TRHDE: variants seen among roughly 807,000 people sequenced by gnomAD.
TRHDE encodes thyrotropin-releasing hormone-degrading ectoenzyme.
A neutral mutation model predicts 125.7 loss-of-function variants in TRHDE; 72 were observed. The observed-to-expected ratio is 0.57, with a 90% CI of 0.47 to 0.70. The LOEUF is 0.70. TRHDE is among the 30% of genes least tolerant of loss of function. The pLI is 0.00. For missense variants in TRHDE, 1,110 were observed against 1,327.1 expected (o/e 0.84, Z 2.54); for synonymous variants, 509 against 509.1 (o/e 1.00, Z 0.00).
intron 2 of TRHDE, among the ~76,000 whole-genome samples, chr12:72,358,052 T>C (rs1231855936): frequency 6.6e-6 from 1 of 151,606 alleles, no homozygotes; most frequent in Non-Finnish European, 1.5e-5. Context: ...GCTGATTCAA[T>C]TTTGTGGATT....
At chr12:72,521,584 G>A (rs1879197303) in intron 6 of TRHDE, among the ~76,000 whole-genome samples, 1 of 152,164 alleles carries the variant, frequency 6.6e-6, no homozygotes, top group East Asian at 1.9e-4. Context: ...AGTTAGCTCA[G>A]TGCCATAAAA....
chr12:72,433,659 C>G (rs1408281158), intron 3 of TRHDE, among the ~76,000 whole-genome samples: 2 of 152,040 alleles, frequency 1.3e-5, no homozygotes, highest in African/African-American at 4.8e-5. Flanking sequence ...CCTCCTCTCA[C>G]ACATACAAAA....
intron 15 of TRHDE, among the ~76,000 whole-genome samples, chr12:72,635,219 T>C (rs1398973377): frequency 1.3e-5 from 2 of 152,084 alleles, no homozygotes; most frequent in African/African-American, 2.4e-5. Flanking sequence ...TGGTATCTCA[T>C]TGTGGTTTTG....
chr12:72,646,539 G>C lies in TRHDE; in HGVS notation c.2676-5783G>C, dbSNP rs1874287119. The stretch of plus-strand genomic sequence containing the variant: ...TAAACTTCCCAATCAAAAAAAAGTG[G>C]CTGAATGGATTAACAAAGCAAGACC... On this transcript the variant is annotated intron_variant, in intron 15 of 18. Coordinates refer to ENST00000261180, the MANE Select transcript of TRHDE (RefSeq NM_013381.3). Among the ~76,000 whole-genome samples, 6 of 151,972 alleles carry C rather than the reference G, an allele frequency of 3.9e-5. No homozygotes were observed. In the South Asian group the frequency reaches 1.2e-3, roughly 31 times the overall value.
At chr12:72,632,075 G>A (rs1271720641) in intron 15 of TRHDE, among the ~76,000 whole-genome samples, 1 of 151,988 alleles carries the variant, frequency 6.6e-6, no homozygotes, top group African/African-American at 2.4e-5. Flanking sequence ...AATGTTATTT[G>A]TCGAGATGTA....
chr12:72,451,680 A>T (rs1402027930), intron 3 of TRHDE, among the ~76,000 whole-genome samples: 1 of 152,146 alleles, frequency 6.6e-6, no homozygotes, highest in African/African-American at 2.4e-5. Flanking sequence ...TTGTGCAAAA[A>T]ATGTCATTTG....
In TRHDE at chr12:72,407,490, G is replaced by C. The variant is rs552540820; in HGVS notation, c.1315+29369G>C. 3.0e-4 allele frequency among the ~76,000 whole-genome samples: 45 copies of C among 152,242 alleles called. No homozygotes were observed. In the East Asian group the frequency reaches 7.9e-3, roughly 27 times the overall value. On this transcript the variant is annotated intron_variant, in intron 3 of 18. Transcript: ENST00000261180. ...GAGTCATTTTAGAATTTGTCCAGTAGTCACCCTCAGAGGAAAGTGTCAAGG... is the reference window on the plus strand; with the variant it reads ...GAGTCATTTTAGAATTTGTCCAGTACTCACCCTCAGAGGAAAGTGTCAAGG...
intron 2 of TRHDE, among the ~76,000 whole-genome samples, chr12:72,215,996 C>A (rs1877882675): frequency 6.6e-6 from 1 of 152,166 alleles, no homozygotes; most frequent in South Asian, 2.1e-4. Context: ...GTTTACATGT[C>A]ATCTCTTCTA....
intron 2 of TRHDE, among the ~76,000 whole-genome samples, chr12:72,307,261 G>A (rs369051187): frequency 2.6e-5 from 4 of 151,932 alleles, no homozygotes; most frequent in African/African-American, 9.7e-5. Flanking sequence ...TCTGCCTCCC[G>A]GCAAGTGATT....
chr12:72,626,657 T>C (rs1873272128), intron 15 of TRHDE, among the ~76,000 whole-genome samples: 2 of 151,946 alleles, frequency 1.3e-5, no homozygotes, highest in African/African-American at 4.8e-5. Flanking sequence ...CTTAATCAGT[T>C]GCTATTCATG....
At chr12:72,444,031 T>C (rs2135859862) in intron 3 of TRHDE, among the ~76,000 whole-genome samples, 1 of 152,040 alleles carries the variant, frequency 6.6e-6, no homozygotes, top group Admixed American at 6.6e-5. Context: ...ATTTCCTTCC[T>C]CTTTTTGCAT....
intron 6 of TRHDE, among the ~76,000 whole-genome samples, chr12:72,529,804 A>C (rs552181230): frequency 4.6e-5 from 7 of 152,170 alleles, no homozygotes; most frequent in African/African-American, 1.4e-4. Context: ...CTTTTTTCTT[A>C]GTGTTCACAT....
At chr12:72,306,494 A>G (rs1438700435) in intron 2 of TRHDE, among the ~76,000 whole-genome samples, 2 of 152,186 alleles carry the variant, frequency 1.3e-5, no homozygotes, top group Admixed American at 1.3e-4. Context: ...TTTTAAATTT[A>G]TATTAAACAG....
At chr12:72,355,069 A>G (rs1237374948) in intron 2 of TRHDE, among the ~76,000 whole-genome samples, 1 of 151,560 alleles carries the variant, frequency 6.6e-6, no homozygotes, top group Non-Finnish European at 1.5e-5. Flanking sequence ...TGTGGTGAAT[A>G]CAACGTGGGA....
chr12:72,304,075 A>G (rs550935004), intron 2 of TRHDE, among the ~76,000 whole-genome samples: 12 of 152,296 alleles, frequency 7.9e-5, no homozygotes, highest in African/African-American at 2.9e-4. Context: ...TAGCTCGTGG[A>G]TGTTAGGGCT....
intron 1 of TRHDE, among the ~76,000 whole-genome samples, chr12:72,274,210 C>T (rs543592847): frequency 1.3e-5 from 2 of 152,268 alleles, no homozygotes; most frequent in South Asian, 4.2e-4. Flanking sequence ...CGATAAGTGG[C>T]CTCGCGGGCG....
At chr12:72,544,454 T>G (rs531217080) in intron 7 of TRHDE, among the ~76,000 whole-genome samples, 2 of 151,606 alleles carry the variant, frequency 1.3e-5, no homozygotes, top group Non-Finnish European at 3.0e-5. Flanking sequence ...CATGGTTATT[T>G]CCATGTTGAC....
chr12:72,307,919 A>G (rs1381505865), intron 2 of TRHDE, among the ~76,000 whole-genome samples: 1 of 152,210 alleles, frequency 6.6e-6, no homozygotes, highest in Non-Finnish European at 1.5e-5. Context: ...GCACCTGTAA[A>G]AATGAAGTTT....
At chr12:72,538,015 A>T (rs990187169) in intron 6 of TRHDE, among the ~76,000 whole-genome samples, 14 of 152,118 alleles carry the variant, frequency 9.2e-5, no homozygotes, top group Admixed American at 8.5e-4. Flanking sequence ...GATTAATCTA[A>T]ATTCTTATTA....
Sources: gnomAD v4.1 joint callset for allele counts (sites outside exome capture counted in the v4.1 genomes callset) on GRCh38, gnomAD v4.1.1 for gene constraint, MANE v1.5 for transcripts, NCBI Gene and HGNC (gene_info 2026-07-23, HGNC 2026-07-21) for gene names.